Variants in BCLAF1 observed in about 807,000 individuals in gnomAD.
BCLAF1 encodes bcl-2-associated transcription factor 1.
In BCLAF1, 10 loss-of-function variants were observed where a neutral mutation model predicts 99.5. The ratio of observed to expected loss-of-function variants is 0.10; its 90% CI spans 0.06 to 0.17. BCLAF1 has a LOEUF of 0.17. Ranked by LOEUF, BCLAF1 falls within the 10% of genes least tolerant of loss-of-function variation. BCLAF1 has a pLI of 1.00. For synonymous variants in BCLAF1, 255 were observed against 370.9 expected, an observed-to-expected ratio of 0.69 and a Z score of 3.59; for missense variants, 636 against 1,105.8, an observed-to-expected ratio of 0.58 and a Z score of 6.02.
At chr6:136,275,793 G>A in intron 5 of BCLAF1, 50 bp downstream of exon 5, 1 of 1,578,436 alleles carries the variant, frequency 6.3e-7, no homozygotes, top group Non-Finnish European at 8.6e-7. Flanking sequence ...ATAATTAACT[G>A]GAATACTGAC....
chr6:136,286,094 C>CA lies in BCLAF1; in HGVS notation c.-114-3408dup, dbSNP rs967158413. ...AGGCTGGGCAAGAGAGAGGCTGTCT[C>CA]AAAAAAAGAAAAAAAATGATCAAGG... On this transcript the variant is annotated intron_variant, in intron 1 of 12. Transcript: ENST00000531224. Among the ~76,000 whole-genome samples the CA allele has an allele frequency of 4.0e-5, 6 of 151,038 alleles. No homozygotes were observed. In the East Asian group the frequency reaches 1.2e-3, roughly 29 times the overall value.
chr6:136,287,424 C>G (rs1489543641), intron 1 of BCLAF1, among the ~76,000 whole-genome samples: 1 of 152,182 alleles, frequency 6.6e-6, no homozygotes, highest in African/African-American at 2.4e-5. Flanking sequence ...TAGGGACAGT[C>G]AGATAAAATA....
At chr6:136,279,971 C>G in intron 2 of BCLAF1, 95 bp from the exon 3 acceptor site, 1 of 1,256,260 alleles carries the variant, frequency 8.0e-7, no homozygotes, top group South Asian at 2.5e-5. Context: ...TTGATTTTTA[C>G]AAGTTTCTCA....
intron 11 of BCLAF1, among the ~76,000 whole-genome samples, chr6:136,266,204 A>C (rs992243609): frequency 3.3e-5 from 5 of 152,116 alleles, no homozygotes; most frequent in Admixed American, 3.3e-4. Flanking sequence ...GTTTATTCAA[A>C]TATACTCATA....
intron 1 of BCLAF1, among the ~76,000 whole-genome samples, chr6:136,284,536 CTAAA>C (rs1403925731): frequency 6.6e-6 from 1 of 152,142 alleles, no homozygotes; most frequent in Non-Finnish European, 1.5e-5. Flanking sequence ...AACTAAACAT[CTAAA>C]TACCAACCAT....
At chr6:136,266,032 C>T (rs189231709) in intron 11 of BCLAF1, among the ~76,000 whole-genome samples, 9 of 151,998 alleles carry the variant, frequency 5.9e-5, no homozygotes, top group East Asian at 3.9e-4. Flanking sequence ...TTATGCATAA[C>T]GCACTCTGTA....
At chr6:136,280,350 T>C (rs1584091177) in intron 2 of BCLAF1, among the ~76,000 whole-genome samples, 1 of 151,982 alleles carries the variant, frequency 6.6e-6, no homozygotes, top group African/African-American at 2.4e-5. Context: ...GCCTTGAAAA[T>C]GAGACTGAAC....
rs1780798574 is a variant in BCLAF1, at chr6:136,260,248, A to T, written c.*862T>A. ...GATAGACCTCCTACATACCAACCCC[A>T]GGATTACAGTTTTTCTTCTGTTTAA... On this transcript the variant is annotated 3_prime_UTR_variant, in exon 13 of 13. Transcript: ENST00000531224. 1 of 152,068 alleles carries T rather than the reference A, an allele frequency of 6.6e-6. No homozygotes were observed. Among genetic ancestry groups the T allele is most frequent in the Non-Finnish European group, 1.5e-5 (1 of 67,930 alleles). 9.4% of individuals were successfully genotyped at this position (152,068 alleles called of 1,614,324 possible). A position where few individuals can be genotyped will look rare whatever the true frequency, so the allele number is the denominator to read the frequency against.
Position 136,258,381 on chromosome 6 carries a change from GAAAAACAAAAAC to G in BCLAF1, c.*2717_*2728del, listed in dbSNP as rs66934469. 0.15 allele frequency: 21,920 copies of G among 149,668 alleles called. 1,745 individuals are homozygous for G. The highest frequency in any genetic ancestry group is 0.17 in the Non-Finnish European group (11,417 of 67,252). 9.3% of individuals were successfully genotyped at this position (149,668 alleles called of 1,614,324 possible). ...TCCCATTTTCCCAGGGGAGACAAGG[GAAAAACAAAAAC>G]AAAAACAAAAACAAAAACAAAAACA... On this transcript the variant is annotated 3_prime_UTR_variant, in exon 13 of 13. Coordinates refer to ENST00000531224, the MANE Select transcript of BCLAF1 (RefSeq NM_014739.3).
chr6:136,273,050 G>A lies in BCLAF1; in HGVS notation c.1958+32C>T, dbSNP rs776845480. On this transcript the variant is annotated intron_variant, in intron 7 of 12. Transcript: ENST00000531224. ...AACAGTGTCTTCCTATCAAAACAAC[G>A]TTTTTATATGCCAGTTCAGCAGGAT... 1.2e-5 allele frequency: 18 copies of A among 1,535,818 alleles called. No homozygotes were observed. The South Asian group carries it at 1.8e-4, about 15-fold the overall frequency.
intron 2 of BCLAF1, among the ~76,000 whole-genome samples, chr6:136,280,602 ACAAGAAAAAAAAAACTTGGGCAC>A (rs138004348): frequency 0.013 from 1,916 of 152,300 alleles, 43 homozygotes; most frequent in African/African-American, 0.042. Flanking sequence ...TATTAGAACT[ACAAGAAAAAAAAAACTTGGGCAC>A]CAGTAGTTTA....
At chr6:136,267,293 A>C in intron 10 of BCLAF1, 118 bp from the exon 11 acceptor site, 104 of 1,193,118 alleles carry the variant, frequency 8.7e-5, no homozygotes, top group Non-Finnish European at 1.1e-4. Context: ...TCTAAATCTC[A>C]TGGCCATTGA....
rs373341748 is a variant in BCLAF1, at chr6:136,277,928, C to T, written c.953G>A (p.Arg318His). ...TCCACCATCAGGATAAAACGAGGAA[C>T]GGCCCCTAGACTCATCTCTTGGAGC... is the stretch of plus-strand genomic sequence containing the variant. Reference protein sequence around the residue: ...QNAPRDESRGRSSFYPDGGDQ... With the variant: ...QNAPRDESRGHSSFYPDGGDQ... The change falls in exon 4 of 13, where the codon CGT (arginine) becomes CAT (histidine). Residue 318 changes from arginine to histidine, a missense_variant. Arg to His is a conservative substitution (Grantham distance 29, BLOSUM62 0). Coordinates refer to ENST00000531224, the MANE Select transcript of BCLAF1 (RefSeq NM_014739.3). 1 of 1,570,906 alleles carries T rather than the reference C, an allele frequency of 6.4e-7. No homozygotes were observed. Among genetic ancestry groups the T allele is most frequent in the South Asian group, 1.2e-5 (1 of 82,972 alleles).
chr6:136,268,602 T>C (rs1782073523), intron 9 of BCLAF1: 2 of 301,062 alleles, frequency 6.6e-6, no homozygotes, highest in Non-Finnish European at 1.2e-5. Context: ...GGTTCAGTTC[T>C]TTAGTATTTT....
At chr6:136,280,018 C>A in intron 2 of BCLAF1, 142 bp from the exon 3 acceptor site, 1 of 1,054,620 alleles carries the variant, frequency 9.5e-7, no homozygotes, top group Non-Finnish European at 1.2e-6. Flanking sequence ...AATCAGTATT[C>A]AGAAGACAAG....
In BCLAF1 at chr6:136,258,272, C is replaced by T. The variant is rs542973028; in HGVS notation, c.*2838G>A. On this transcript the variant is annotated 3_prime_UTR_variant, in exon 13 of 13. Coordinates refer to ENST00000531224, the MANE Select transcript of BCLAF1 (RefSeq NM_014739.3). ...TATGGGTGATAAGGTCCCAGATTAA[C>T]GTAAGAAAACGAGGACTAAACTGGA... is the stretch of plus-strand genomic sequence containing the variant. The T allele has an allele frequency of 6.6e-6, 1 of 151,926 alleles. No individual in the cohort carries two copies. Among genetic ancestry groups the T allele is most frequent in the Non-Finnish European group, 1.5e-5 (1 of 67,892 alleles). 9.4% of individuals were successfully genotyped at this position (151,926 alleles called of 1,614,324 possible). A position where few individuals can be genotyped will look rare whatever the true frequency, so the allele number is the denominator to read the frequency against.
chr6:136,266,905 A>T, intron 11 of BCLAF1, 124 bp downstream of exon 11: 1 of 1,232,220 alleles, frequency 8.1e-7, no homozygotes, highest in Non-Finnish European at 1.1e-6. Flanking sequence ...TAATTATTTT[A>T]AAAAAGGTTT....
At position 136,277,912 on chromosome 6, in the gene BCLAF1, A is replaced by G; in HGVS notation, c.969T>C (p.Pro323=). ...DESRGRSSFY[P]DGGDQETAKT... is the part of the protein sequence containing the mutation. ...TTGCAGTTTCCTGATCTCCACCATC[A>G]GGATAAAACGAGGAACGGCCCCTAG... is the stretch of plus-strand genomic sequence containing the variant. The change falls in exon 4 of 13, where the codon CCT becomes CCC. Residue 323 remains proline (P), a synonymous_variant. Transcript: ENST00000531224. 2 of 1,590,062 alleles carry G rather than the reference A, an allele frequency of 1.3e-6. No individual in the cohort carries two copies. Among genetic ancestry groups the G allele is most frequent in the Admixed American group, 1.9e-5 (1 of 53,538 alleles).
chr6:136,279,468 C>T, intron 3 of BCLAF1: 1 of 188,388 alleles, frequency 5.3e-6, no homozygotes, highest in Non-Finnish European at 1.1e-5. Context: ...TTGCATTACC[C>T]AATTCATCTC....
Sources: gnomAD v4.1 joint callset for allele counts (sites outside exome capture counted in the v4.1 genomes callset) on GRCh38, gnomAD v4.1.1 for gene constraint, MANE v1.5 for transcripts, NCBI Gene and HGNC (gene_info 2026-07-23, HGNC 2026-07-21) for gene names.